MARCO: variants seen among roughly 807,000 people sequenced by gnomAD.
MARCO encodes macrophage receptor with collagenous structure.
Under a neutral mutation model 70.0 loss-of-function variants are expected in MARCO, and 72 were observed. The ratio of observed to expected loss-of-function variants is 1.03; its 90% confidence interval spans 0.85 to 1.25. The LOEUF (loss-of-function observed/expected upper bound fraction) is 1.25, where lower values mean the gene tolerates loss of function less well. Among genes scored for constraint, MARCO ranks in the 50% most tolerant of loss-of-function variants. The probability of loss-of-function intolerance (pLI) is 0.00; values close to 1 mark genes in which losing one functional copy is unlikely to be tolerated. For synonymous variants in MARCO, 273 were observed against 243.1 expected, an observed-to-expected ratio of 1.12 and a Z score of -1.14; for missense variants, 696 against 659.3, an observed-to-expected ratio of 1.06 and a Z score of -0.61.
At chr2:118,949,292 G>A (rs1231734390) in intron 1 of MARCO, 1 of 152,210 alleles carries the variant, frequency 6.6e-6, no homozygotes, top group Non-Finnish European at 1.5e-5. Context: ...CACAAGAGTA[G>A]CAGTCACTTT....
intron 16 of MARCO, 90 bp from the exon 17 acceptor site, chr2:118,994,297 A>G: frequency 6.9e-7 from 1 of 1,445,476 alleles, no homozygotes; most frequent in Non-Finnish European, 9.7e-7. Context: ...AGTCCACCTC[A>G]GATGGAAGCT....
intron 1 of MARCO, among the ~76,000 whole-genome samples, chr2:118,948,994 G>A (rs1679663294): frequency 6.6e-6 from 1 of 152,194 alleles, no homozygotes; most frequent in Non-Finnish European, 1.5e-5. Flanking sequence ...GCTCTTGGAA[G>A]TGACTGACTT....
At chr2:118,980,189 A>G (rs1403579034) in intron 8 of MARCO, among the ~76,000 whole-genome samples, 1 of 152,248 alleles carries the variant, frequency 6.6e-6, no homozygotes, top group African/African-American at 2.4e-5. Context: ...AACAGTTCTC[A>G]GTGCCTTCTA....
At chr2:118,985,682 G>A (rs1490973727) in intron 12 of MARCO, among the ~76,000 whole-genome samples, 1 of 152,164 alleles carries the variant, frequency 6.6e-6, no homozygotes, top group Non-Finnish European at 1.5e-5. Context: ...ACATGTCTTA[G>A]CTATTTTGAA....
chr2:118,969,299 G>C (rs556040666), intron 2 of MARCO, 38 bp downstream of exon 2: 2 of 1,555,408 alleles, frequency 1.3e-6, no homozygotes, highest in African/African-American at 1.4e-5. Flanking sequence ...CCTCCTGGGG[G>C]GAGAGGGGTG....
chr2:118,974,313 T>G lies in MARCO; in HGVS notation c.461-20T>G, dbSNP rs762792881. 1 of 1,470,232 alleles carries G rather than the reference T, an allele frequency of 6.8e-7. No individual in the cohort carries two copies. The highest frequency in any genetic ancestry group is 9.4e-7 in the Non-Finnish European group (1 of 1,062,762). The allele number at this position is 1,470,232 out of a possible 1,614,324, so 91.1% of individuals were successfully genotyped here. On this transcript the variant is annotated intron_variant, in intron 4 of 16. Transcript: ENST00000327097. Reference sequence around the variant, plus strand: ...CATCCTGTTGACTGACTCATTAGTGTCTCTGTTCCTCTTCCTCAGGTCTTC... The same window carrying G: ...CATCCTGTTGACTGACTCATTAGTGGCTCTGTTCCTCTTCCTCAGGTCTTC...
In MARCO at chr2:118,970,108, G is replaced by A. The variant is rs374134650; in HGVS notation, c.200-6G>A. ...CCCTAAAAGAATGCTGTGGGGTGGG[G>A]CCCAGTTCTGAATCTGCAGGCGCGG... On this transcript the variant is annotated splice_region_variant and splice_polypyrimidine_tract_variant and intron_variant, in intron 2 of 16. Transcript: ENST00000327097. The A allele has an allele frequency of 2.6e-5, 42 of 1,612,606 alleles. No homozygotes were observed. In the African/African-American group the frequency reaches 4.7e-4, roughly 18 times the overall value.
At chr2:118,955,261 A>G (rs900236702) in intron 1 of MARCO, among the ~76,000 whole-genome samples, 1 of 152,164 alleles carries the variant, frequency 6.6e-6, no homozygotes, top group Non-Finnish European at 1.5e-5. Flanking sequence ...TAAAAAAACA[A>G]TAAAAATTCA....
At chr2:118,957,013 A>G (rs1307393929) in intron 1 of MARCO, among the ~76,000 whole-genome samples, 1 of 152,080 alleles carries the variant, frequency 6.6e-6, no homozygotes, top group Non-Finnish European at 1.5e-5. Flanking sequence ...AGGAAAGTTC[A>G]TACTCCTAAA....
intron 16 of MARCO, among the ~76,000 whole-genome samples, chr2:118,994,119 G>T (rs149654296): frequency 1.3e-5 from 2 of 152,204 alleles, no homozygotes; most frequent in Admixed American, 1.3e-4. Flanking sequence ...AATAGTGTGG[G>T]GTTTAAGCAT....
At chr2:118,956,121 A>G (rs1271507719) in intron 1 of MARCO, among the ~76,000 whole-genome samples, 1 of 152,202 alleles carries the variant, frequency 6.6e-6, no homozygotes, top group Non-Finnish European at 1.5e-5. Context: ...AGCATGATGA[A>G]TGCAATGGTA....
In MARCO at chr2:118,966,487, G is replaced by A. The variant is rs17009675; in HGVS notation, c.98-2673G>A. On this transcript the variant is annotated intron_variant, in intron 1 of 16. Coordinates refer to ENST00000327097, the MANE Select transcript of MARCO (RefSeq NM_006770.4). ...AGACCCTCCATTTTGTACAGAATGA[G>A]TTATATAGGTCTACAGGCTCAACAT... 0.012 allele frequency among the ~76,000 whole-genome samples: 1,889 copies of A among 152,288 alleles called. 95 individuals carry two copies. In the South Asian group the frequency reaches 0.13, roughly 10 times the overall value.
At chr2:118,977,016 A>C (rs967178850) in intron 6 of MARCO, among the ~76,000 whole-genome samples, 2 of 152,158 alleles carry the variant, frequency 1.3e-5, no homozygotes, top group Admixed American at 6.5e-5. Flanking sequence ...CCTTGTGTTG[A>C]GTCAAAATGT....
At position 118,986,669 on chromosome 2, in the gene MARCO, G is replaced by GA. The variant is rs1680505590; in HGVS notation, c.1064-3918dup. On this transcript the variant is annotated intron_variant, in intron 12 of 16. Transcript: ENST00000327097. ...AGAAAGAAAGAAGGAAGGAAGGAAG[G>GA]AAGGAAAGAAAGAAAGAAAGAAAGA... 8.7e-3 allele frequency among the ~76,000 whole-genome samples: 377 copies of GA among 43,528 alleles called. 30 individuals carry two copies. Among genetic ancestry groups the GA allele is most frequent in the Admixed American group, 0.017 (74 of 4,398 alleles). 28.6% of individuals were successfully genotyped at this position (43,528 alleles called of 152,430 possible).
intron 1 of MARCO, among the ~76,000 whole-genome samples, chr2:118,945,127 A>T (rs1183393865): frequency 1.3e-5 from 2 of 152,138 alleles, no homozygotes; most frequent in Non-Finnish European, 2.9e-5. Flanking sequence ...ACAGAATCCC[A>T]GGTCTCTCCT....
intron 1 of MARCO, among the ~76,000 whole-genome samples, chr2:118,945,728 C>T (rs1029154463): frequency 9.9e-5 from 15 of 152,132 alleles, no homozygotes; most frequent in African/African-American, 3.6e-4. Context: ...GGACCTCTTA[C>T]TCCAATCTCT....
At chr2:118,986,718 A>AAAGG (rs1558672003) in intron 12 of MARCO, among the ~76,000 whole-genome samples, 1 of 117,454 alleles carries the variant, frequency 8.5e-6, no homozygotes, top group Non-Finnish European at 1.7e-5. Context: ...AGAAAGAAAG[A>AAAGG]AAGAAAAGAA....
chr2:118,974,514 C>T lies in MARCO; in HGVS notation c.569-7C>T. On this transcript the variant is annotated splice_region_variant and splice_polypyrimidine_tract_variant and intron_variant, in intron 5 of 16. Coordinates refer to ENST00000327097, the MANE Select transcript of MARCO (RefSeq NM_006770.4). ...TGGCTTCACTCTGAATTCCCTTTCCCTTCCAGGCCCCTCGGGACCCCAAGG... is the reference window on the plus strand; with the variant it reads ...TGGCTTCACTCTGAATTCCCTTTCCTTTCCAGGCCCCTCGGGACCCCAAGG... The T allele has an allele frequency of 4.3e-6, 7 of 1,614,006 alleles. No homozygotes were observed. Among genetic ancestry groups the T allele is most frequent in the Non-Finnish European group, 5.1e-6 (6 of 1,179,992 alleles).
At chr2:118,977,588 C>T (rs1182516089) in intron 7 of MARCO, 73 bp downstream of exon 7, 6 of 1,376,644 alleles carry the variant, frequency 4.4e-6, no homozygotes, top group African/African-American at 1.4e-5. Context: ...CCCCCACCCC[C>T]CATCCTCTTT....
Sources: gnomAD v4.1 joint callset for allele counts (sites outside exome capture counted in the v4.1 genomes callset) on GRCh38, gnomAD v4.1.1 for gene constraint, MANE v1.5 for transcripts, NCBI Gene and HGNC (gene_info 2026-07-23, HGNC 2026-07-21) for gene names.